STIM2: variants seen among roughly 807,000 people sequenced by gnomAD.
The protein encoded by STIM2 is stromal interaction molecule 2.
A neutral mutation model predicts 85.8 loss-of-function variants in STIM2; 31 were observed. That is an observed-to-expected ratio of 0.36 (90% CI 0.27 to 0.49). STIM2 has a LOEUF of 0.49. Among genes scored for constraint, STIM2 ranks in the 20% least tolerant of loss-of-function variants. The probability of loss-of-function intolerance (pLI) is 0.98; values close to 1 mark genes in which losing one functional copy is unlikely to be tolerated. For missense variants in STIM2, 841 were observed against 927.6 expected, an observed-to-expected ratio of 0.91 and a Z score of 1.21; for synonymous variants, 356 against 331.1, an observed-to-expected ratio of 1.08 and a Z score of -0.82.
chr4:27,024,372 A>C lies in STIM2; in HGVS notation c.*1376A>C, dbSNP rs1165790141. The C allele has an allele frequency of 6.6e-6, 1 of 152,220 alleles. No homozygotes were observed. Among genetic ancestry groups the C allele is most frequent in the East Asian group, 1.9e-4 (1 of 5,198 alleles). The allele number at this position is 152,220 out of a possible 1,614,324, so 9.4% of individuals were successfully genotyped here. ...CAATCATAAGTGATTTGGTTACTGC[A>C]ATGCAGATGGATGTTTGGATGAACA... On this transcript the variant is annotated 3_prime_UTR_variant, in exon 12 of 12. Transcript: ENST00000467087.
chr4:27,021,064 A>G (rs1008227872), intron 11 of STIM2: 3 of 1,536,570 alleles, frequency 2.0e-6, no homozygotes, highest in Non-Finnish European at 2.6e-6. Flanking sequence ...TCTCAAAAAA[A>G]AAAAGTGAGT....
rs1364613849 is a variant in STIM2 at position 26,861,374 on chromosome 4, G to A, written c.151+5G>A. 4.6e-6 allele frequency: 6 copies of A among 1,290,606 alleles called. No individual in the cohort carries two copies. The African/African-American group carries it at 7.8e-5, about 17-fold the overall frequency. 79.9% of individuals were successfully genotyped at this position (1,290,606 alleles called of 1,614,324 possible). A position where few individuals can be genotyped will look rare whatever the true frequency, so the allele number is the denominator to read the frequency against. On this transcript the variant is annotated splice_donor_5th_base_variant and intron_variant, in intron 1 of 11. Coordinates refer to ENST00000467087, the MANE Select transcript of STIM2 (RefSeq NM_020860.4). The stretch of plus-strand genomic sequence containing the variant: ...ATAGCCCGGCGCTCATGACAGGTGA[G>A]GGGCCGGGGGGCGGCGGGCGGGGCT...
intron 2 of STIM2, among the ~76,000 whole-genome samples, chr4:26,927,680 TAAAAAA>T (rs71186498): frequency 3.8e-4 from 9 of 23,466 alleles, no homozygotes; most frequent in Non-Finnish European, 7.5e-4. Flanking sequence ...TAGAGTATAA[TAAAAAA>T]AAAAAAAAAA....
At chr4:26,861,695 ATTTTTT>A (rs57976994) in intron 1 of STIM2, 3 of 123,536 alleles carry the variant, frequency 2.4e-5, no homozygotes, top group Non-Finnish European at 4.9e-5. Flanking sequence ...GACTGGGCTG[ATTTTTT>A]TTTTTTTTTT....
intron 10 of STIM2, among the ~76,000 whole-genome samples, chr4:27,009,960 T>G (rs1428818499): frequency 1.3e-5 from 2 of 152,230 alleles, no homozygotes; most frequent in African/African-American, 2.4e-5. Flanking sequence ...GATTAACTAG[T>G]TTTTTTCTTT....
Position 26,957,643 on chromosome 4 carries a change from C to A in STIM2, c.314C>A (p.Ala105Asp). Residue 105 changes from alanine to aspartate, a missense_variant, in exon 3 of 12, where the codon GCT (alanine) becomes GAT (aspartate). Coordinates refer to ENST00000467087, the MANE Select transcript of STIM2 (RefSeq NM_020860.4). ...AGAGAAGATATGAAATATAAAGATG[C>A]TACTAATAAACACAGCCATCTGCAC... 1.3e-6 allele frequency: 2 copies of A among 1,574,712 alleles called. No individual in the cohort carries two copies. The highest frequency in any genetic ancestry group is 1.7e-6 in the Non-Finnish European group (2 of 1,164,874).
intron 3 of STIM2, among the ~76,000 whole-genome samples, chr4:26,962,754 A>G (rs748677033): frequency 1.1e-4 from 17 of 152,218 alleles, no homozygotes; most frequent in Non-Finnish European, 2.1e-4. Context: ...AATGTATTTA[A>G]ATAGTAGCCA....
intron 1 of STIM2, among the ~76,000 whole-genome samples, chr4:26,890,908 A>C (rs1445748468): frequency 2.6e-5 from 4 of 151,764 alleles, no homozygotes; most frequent in Non-Finnish European, 4.4e-5. Context: ...CTTCACTCTG[A>C]TTAACCTATA....
chr4:26,876,938 A>ATT (rs1397416083), intron 1 of STIM2, among the ~76,000 whole-genome samples: 2 of 152,046 alleles, frequency 1.3e-5, no homozygotes, highest in Non-Finnish European at 2.9e-5. Context: ...TTCAAGCTGT[A>ATT]TTTTTTTGTA....
At chr4:26,981,672 A>G (rs1727401558) in intron 3 of STIM2, among the ~76,000 whole-genome samples, 1 of 152,202 alleles carries the variant, frequency 6.6e-6, no homozygotes, top group African/African-American at 2.4e-5. Context: ...GTATGGAAAA[A>G]TTCCATAATA....
intron 1 of STIM2, among the ~76,000 whole-genome samples, chr4:26,863,298 T>G (rs1453293555): frequency 1.3e-5 from 2 of 152,166 alleles, no homozygotes; most frequent in African/African-American, 4.8e-5. Context: ...TCTAACGTTC[T>G]TTTACTTTCC....
At chr4:27,000,051 T>A (rs1577488944) in intron 5 of STIM2, among the ~76,000 whole-genome samples, 1 of 137,904 alleles carries the variant, frequency 7.3e-6, no homozygotes, top group South Asian at 2.3e-4. Flanking sequence ...AAAGGAATTA[T>A]GTTTTTTTTT....
chr4:27,018,000 A>G lies in STIM2; in HGVS notation c.1763+16A>G. The G allele has an allele frequency of 6.2e-7, 1 of 1,613,454 alleles. No homozygotes were observed. Among genetic ancestry groups the G allele is most frequent in the Non-Finnish European group, 8.5e-7 (1 of 1,179,542 alleles). On this transcript the variant is annotated intron_variant, in intron 11 of 11. Coordinates refer to ENST00000467087, the MANE Select transcript of STIM2 (RefSeq NM_020860.4). ...AAAAGCAATGGTATTGGCAGTGAAT[A>G]ATCTACAGGGCATGTTGGGGCTGGG... is the stretch of plus-strand genomic sequence containing the variant.
chr4:26,989,603 A>C (rs1727693604), intron 3 of STIM2, among the ~76,000 whole-genome samples: 1 of 152,226 alleles, frequency 6.6e-6, no homozygotes, highest in East Asian at 1.9e-4. Flanking sequence ...TAATACCAGA[A>C]ATACTAGCCA....
rs140208879 is a variant in STIM2 at position 26,995,477 on chromosome 4, A to G, written c.496A>G (p.Thr166Ala). ...TTTTAGAGACAACAATGTCAAAGGAACGACACTTCCCAGGTGAGTCTTTGT... is the reference window on the plus strand; with the variant it reads ...TTTTAGAGACAACAATGTCAAAGGAGCGACACTTCCCAGGTGAGTCTTTGT... The change falls in exon 4 of 12, where the codon ACG becomes GCG. Residue 166 changes from threonine (T) to alanine (A), a missense_variant. Thr to Ala is a moderately conservative substitution (Grantham distance 58, BLOSUM62 0). Transcript: ENST00000467087. 6.3e-7 allele frequency: 1 copy of G among 1,597,678 alleles called. No homozygotes were observed. Among genetic ancestry groups the G allele is most frequent in the African/African-American group, 1.4e-5 (1 of 73,860 alleles).
chr4:26,889,524 A>G, intron 1 of STIM2, among the ~76,000 whole-genome samples: 1 of 152,214 alleles, frequency 6.6e-6, no homozygotes, highest in East Asian at 1.9e-4. Flanking sequence ...CTGTTGTAAT[A>G]AGAACAAAAC....
At position 27,008,845 on chromosome 4, in the gene STIM2, G is replaced by T; in HGVS notation, c.1332G>T (p.Gln444His). Reference sequence around the variant, plus strand: ...AAATTGAGAAGATCTGTGGCTTTCAGATAGCCCATAACTCAGGACTCCCCA... The same window carrying T: ...AAATTGAGAAGATCTGTGGCTTTCATATAGCCCATAACTCAGGACTCCCCA... The change falls in exon 10 of 12, where the codon CAG (glutamine) becomes CAT (histidine). Residue 444 changes from glutamine to histidine, a missense_variant. Coordinates refer to ENST00000467087, the MANE Select transcript of STIM2 (RefSeq NM_020860.4). 2 of 1,614,152 alleles carry T rather than the reference G, an allele frequency of 1.2e-6. No homozygotes were observed. Among genetic ancestry groups the T allele is most frequent in the Non-Finnish European group, 1.7e-6 (2 of 1,180,016 alleles).
intron 1 of STIM2, among the ~76,000 whole-genome samples, chr4:26,908,692 C>T (rs1032948799): frequency 1.3e-5 from 2 of 152,166 alleles, no homozygotes; most frequent in Non-Finnish European, 2.9e-5. Context: ...CCATGTTGGC[C>T]AGGCTGGTGT....
intron 2 of STIM2, among the ~76,000 whole-genome samples, chr4:26,954,114 A>G (rs925957562): frequency 6.6e-6 from 1 of 152,194 alleles, no homozygotes; most frequent in African/African-American, 2.4e-5. Flanking sequence ...CTATAATAAC[A>G]TATATCAGAT....
Sources: allele counts gnomAD v4.1 joint callset (sites outside exome capture counted in the v4.1 genomes callset), GRCh38; gene constraint gnomAD v4.1.1; transcripts MANE v1.5; gene names NCBI Gene and HGNC (gene_info 2026-07-23, HGNC 2026-07-21).